EHHADH: variants seen among roughly 807,000 people sequenced by gnomAD.
EHHADH encodes the protein peroxisomal bifunctional enzyme.
A neutral mutation model predicts 64.4 loss-of-function variants in EHHADH; 48 were observed. That is an observed-to-expected ratio of 0.75 (90% CI 0.59 to 0.95). The LOEUF is 0.95. Ranked by LOEUF, EHHADH falls within the 40% of genes least tolerant of loss-of-function variation. The pLI, the probability that EHHADH is intolerant of heterozygous loss-of-function variation, is 0.00. For missense variants in EHHADH, 854 were observed against 876.6 expected (o/e 0.97, Z 0.33); for synonymous variants, 308 against 326.7 (o/e 0.94, Z 0.62).
At chr3:185,212,946 C>A (rs532027769) in intron 5 of EHHADH, among the ~76,000 whole-genome samples, 1 of 151,174 alleles carries the variant, frequency 6.6e-6, no homozygotes, top group Non-Finnish European at 1.5e-5. Flanking sequence ...ATGGTGAAAC[C>A]CCGTCTCTAC....
chr3:185,219,784 C>T (rs1187130785), intron 4 of EHHADH, among the ~76,000 whole-genome samples: 1 of 152,188 alleles, frequency 6.6e-6, no homozygotes, highest in African/African-American at 2.4e-5. Context: ...TGGTGGATGC[C>T]ATCGGAGACA....
rs1337959811 is a variant in EHHADH, at chr3:185,224,701, G to A, written c.463+4731C>T. ...AAAAGTCTAAAACAGGTCAGCAGAA[G>A]GTGTTCCTTCTGGATGCTGTAAGAA... On this transcript the variant is annotated intron_variant, in intron 4 of 6. Coordinates refer to ENST00000231887, the MANE Select transcript of EHHADH (RefSeq NM_001966.4). 4.6e-5 allele frequency among the ~76,000 whole-genome samples: 7 copies of A among 152,184 alleles called. No homozygotes were observed. In the East Asian group the frequency reaches 1.2e-3, roughly 25 times the overall value.
intron 2 of EHHADH, among the ~76,000 whole-genome samples, chr3:185,238,209 G>A (rs1021927976): frequency 5.9e-5 from 9 of 152,082 alleles, no homozygotes; most frequent in Non-Finnish European, 5.9e-5. Context: ...TAACAGTGCT[G>A]TGATAAACAT....
chr3:185,211,938 A>G (rs1213184848), intron 5 of EHHADH, among the ~76,000 whole-genome samples: 1 of 152,236 alleles, frequency 6.6e-6, no homozygotes, highest in African/African-American at 2.4e-5. Flanking sequence ...ACAGCCCAGC[A>G]CAGCCACAGG....
At chr3:185,247,330 T>C (rs1371097753) in intron 2 of EHHADH, among the ~76,000 whole-genome samples, 3 of 152,122 alleles carry the variant, frequency 2.0e-5, no homozygotes, top group Non-Finnish European at 4.4e-5. Flanking sequence ...AATATCAAGT[T>C]CTTTATCATT....
Position 185,204,470 on chromosome 3 carries a change from C to A in EHHADH, c.856G>T (p.Gly286Ter), listed in dbSNP as rs767872565. 54 of 1,613,748 alleles carry A rather than the reference C, an allele frequency of 3.3e-5. 1 individual carries two copies. Among genetic ancestry groups the A allele is most frequent in the Non-Finnish European group, 4.5e-5 (53 of 1,179,930 alleles). ...RKANKWSTPS[G>*]ASWKTASARP... is the part of the protein sequence containing the mutation. ...GCTGATGCTGTTTTCCACGATGCTC[C>A]GGAGGGAGTTGACCACTTATTTGCT... The change falls in exon 6 of 7, where the codon GGA becomes TGA. Residue 286 changes from glycine to a stop codon, truncating the protein, a stop_gained. Transcript: ENST00000231887. LOFTEE classifies it high-confidence loss of function.
At position 185,193,551 on chromosome 3, in the gene EHHADH, C is replaced by A. The variant is rs556770376; in HGVS notation, c.911-64G>T. 297 of 1,551,426 alleles carry A rather than the reference C, an allele frequency of 1.9e-4. No homozygotes were observed. The African/African-American group carries it at 3.6e-3, about 19-fold the overall frequency. On this transcript the variant is annotated intron_variant, in intron 6 of 6. Transcript: ENST00000231887. ...TGGTATTGGGAACTGATAAATTATT[C>A]ACTGGATGGAAGGCTTATGTGACAA...
At chr3:185,197,062 G>A (rs1718082983) in intron 6 of EHHADH, among the ~76,000 whole-genome samples, 1 of 151,920 alleles carries the variant, frequency 6.6e-6, no homozygotes, top group Non-Finnish European at 1.5e-5. Flanking sequence ...CCATTTATAT[G>A]AAATGTCCAG....
Position 185,192,090 on chromosome 3 carries a change from C to T in EHHADH, c.*136G>A, listed in dbSNP as rs949696013. ...AAAGATTTGACCATTAGAGTCGTTA[C>T]ACAGAAGATTCTAATGATTATTTAT... On this transcript the variant is annotated 3_prime_UTR_variant, in exon 7 of 7. Coordinates refer to ENST00000231887, the MANE Select transcript of EHHADH (RefSeq NM_001966.4). 28 of 1,046,000 alleles carry T rather than the reference C, an allele frequency of 2.7e-5. No homozygotes were observed. Among genetic ancestry groups the T allele is most frequent in the Non-Finnish European group, 3.6e-5 (26 of 727,564 alleles). The allele number at this position is 1,046,000 out of a possible 1,614,324, so 64.8% of individuals were successfully genotyped here.
intron 6 of EHHADH, among the ~76,000 whole-genome samples, chr3:185,199,649 ATCGTAT>A (rs1467121762): frequency 6.6e-6 from 1 of 152,264 alleles, no homozygotes; most frequent in Non-Finnish European, 1.5e-5. Flanking sequence ...GAAAAATTAT[ATCGTAT>A]TCAAAATTCA....
rs145361673 is a variant in EHHADH, at chr3:185,192,165, C to A, written c.*61G>T. The A allele has an allele frequency of 6.7e-7, 1 of 1,498,274 alleles. No individual in the cohort carries two copies. The highest frequency in any genetic ancestry group is 1.4e-5 in the African/African-American group (1 of 71,072). 92.8% of individuals were successfully genotyped at this position (1,498,274 alleles called of 1,614,324 possible). A position where few individuals can be genotyped will look rare whatever the true frequency, so the allele number is the denominator to read the frequency against. ...TTACTTTGGATTTTTGATTTAATTT[C>A]ACTGAAATTCAGTCAGCATTACCTG... On this transcript the variant is annotated 3_prime_UTR_variant, in exon 7 of 7. Coordinates refer to ENST00000231887, the MANE Select transcript of EHHADH (RefSeq NM_001966.4).
At chr3:185,213,509 G>T (rs1269402900) in intron 5 of EHHADH, among the ~76,000 whole-genome samples, 1 of 152,106 alleles carries the variant, frequency 6.6e-6, no homozygotes, top group Non-Finnish European at 1.5e-5. Flanking sequence ...TTAACATATT[G>T]AATTTTTGTG....
chr3:185,244,949 G>A (rs2042039), intron 2 of EHHADH, among the ~76,000 whole-genome samples: 100,767 of 151,990 alleles, frequency 0.66, 35,317 homozygotes, highest in Non-Finnish European at 0.79. Context: ...TTGATTCTCT[G>A]AAATGTTTAT....
At chr3:185,233,733 C>T (rs1719202903) in intron 3 of EHHADH, among the ~76,000 whole-genome samples, 2 of 152,174 alleles carry the variant, frequency 1.3e-5, no homozygotes, top group African/African-American at 4.8e-5. Context: ...GCAACCTCCA[C>T]CTTCCAGGTT....
intron 6 of EHHADH, among the ~76,000 whole-genome samples, chr3:185,202,829 G>A (rs566827850): frequency 6.6e-6 from 1 of 152,238 alleles, no homozygotes; most frequent in Admixed American, 6.5e-5. Flanking sequence ...GGTGCCAAAA[G>A]GTTGGAGACC....
intron 5 of EHHADH, among the ~76,000 whole-genome samples, 197 bp downstream of exon 5, chr3:185,217,939 T>C (rs1207469580): frequency 6.6e-6 from 1 of 151,650 alleles, no homozygotes; most frequent in Non-Finnish European, 1.5e-5. Context: ...TAATTTTTTG[T>C]ATTTTTTAGT....
chr3:185,238,706 C>T (rs947172491), intron 2 of EHHADH, among the ~76,000 whole-genome samples: 15 of 152,082 alleles, frequency 9.9e-5, no homozygotes, highest in Non-Finnish European at 2.1e-4. Context: ...AGTCCTTTGT[C>T]GGATGCACAG....
intron 3 of EHHADH, among the ~76,000 whole-genome samples, chr3:185,235,008 C>T (rs918691757): frequency 4.6e-5 from 7 of 151,962 alleles, no homozygotes; most frequent in Non-Finnish European, 7.4e-5. Flanking sequence ...ATGGTGAAAC[C>T]CCGTCTCTAC....
chr3:185,193,259 TC>T lies in EHHADH; in HGVS notation c.1138del (p.Glu380LysfsTer7). On this transcript the variant is annotated frameshift_variant, in exon 7 of 7. Coordinates refer to ENST00000231887, the MANE Select transcript of EHHADH (RefSeq NM_001966.4). LOFTEE classifies it high-confidence loss of function. The part of the protein sequence containing the change: ...KELGGVDLVI[E>X]AVFEEMSLKK... ...CAGGCTCATTTCCTCAAATACTGCTTCAATGACTAAATCTACACCACCAAGC... is the reference window on the plus strand; with the variant it reads ...CAGGCTCATTTCCTCAAATACTGCTTAATGACTAAATCTACACCACCAAGC... The T allele has an allele frequency of 6.2e-7, 1 of 1,601,844 alleles. No individual in the cohort carries two copies. The highest frequency in any genetic ancestry group is 8.5e-7 in the Non-Finnish European group (1 of 1,174,852).
Sources: allele counts gnomAD v4.1 joint callset (sites outside exome capture counted in the v4.1 genomes callset), GRCh38; gene constraint gnomAD v4.1.1; transcripts MANE v1.5; gene names NCBI Gene and HGNC (gene_info 2026-07-23, HGNC 2026-07-21).